Variants in PRKD3 observed in about 807,000 individuals in gnomAD.
PRKD3 encodes protein kinase D3.
A neutral mutation model predicts 99.2 loss-of-function variants in PRKD3; 47 were observed. That is an observed-to-expected ratio of 0.47 (90% CI 0.38 to 0.60). The LOEUF (loss-of-function observed/expected upper bound fraction) is 0.60. Among genes scored for constraint, PRKD3 ranks in the 20% least tolerant of loss-of-function variants. The pLI is 0.00. For synonymous variants in PRKD3, 392 were observed against 355.4 expected, an observed-to-expected ratio of 1.10 and a Z score of -1.16; for missense variants, 1,019 against 1,088.4, an observed-to-expected ratio of 0.94 and a Z score of 0.90.
Position 37,277,945 on chromosome 2 carries a change from G to A in PRKD3, c.1217C>T (p.Ser406Phe). 6.2e-7 allele frequency: 1 copy of A among 1,612,426 alleles called. No individual in the cohort carries two copies. The highest frequency in any genetic ancestry group is 2.2e-5 in the East Asian group (1 of 44,798). ...GCTCTTCCTCTTTGTGTGCTTGATG[G>A]ATTGTACAACCCTCATTAGCGGAAT... ...NNIPLMRVVQ[S>F]IKHTKRKSST... Residue 406 changes from serine to phenylalanine, a missense_variant, in exon 9 of 19, where the codon TCC becomes TTC. Transcript: ENST00000234179.
intron 1 of PRKD3, among the ~76,000 whole-genome samples, chr2:37,322,435 G>T (rs1323638584): frequency 2.0e-5 from 3 of 152,132 alleles, no homozygotes; most frequent in South Asian, 4.1e-4. Flanking sequence ...AGTGACAGTT[G>T]AATCTCAGTC....
At chr2:37,257,310 C>T (rs935525384) in intron 16 of PRKD3, among the ~76,000 whole-genome samples, 2 of 152,120 alleles carry the variant, frequency 1.3e-5, no homozygotes, top group African/African-American at 4.8e-5. Context: ...ATTTCTGAAT[C>T]CTTAGTGGCC....
At chr2:37,323,035 A>G (rs556047708) in intron 1 of PRKD3, among the ~76,000 whole-genome samples, 4 of 151,904 alleles carry the variant, frequency 2.6e-5, no homozygotes, top group African/African-American at 9.7e-5. Context: ...ACCTATTCAT[A>G]TTTTTCTGTA....
chr2:37,255,903 A>G (rs1190311391), intron 17 of PRKD3, among the ~76,000 whole-genome samples: 1 of 152,142 alleles, frequency 6.6e-6, no homozygotes, highest in Non-Finnish European at 1.5e-5. Context: ...CATCCCACCT[A>G]GTCAGGAGGC....
At chr2:37,312,042 T>C (rs1407852259) in intron 2 of PRKD3, among the ~76,000 whole-genome samples, 1 of 152,194 alleles carries the variant, frequency 6.6e-6, no homozygotes, top group Non-Finnish European at 1.5e-5. Context: ...TTGTAAAAGA[T>C]TTTTTAAAAC....
Position 37,274,579 on chromosome 2 carries a change from C to T in PRKD3, c.1493G>A (p.Gly498Asp). 1 of 1,614,084 alleles carries T rather than the reference C, an allele frequency of 6.2e-7. No individual in the cohort carries two copies. The change falls in exon 11 of 19, where the codon GGT becomes GAT. Residue 498 changes from glycine (G) to aspartate (D), a missense_variant. By Grantham distance (94) the Gly-to-Asp change is moderately conservative. This residue lies in a region of PRKD3 where 710 missense variants were observed against 692.7 expected (regional missense o/e 1.02). Coordinates refer to ENST00000234179, the MANE Select transcript of PRKD3 (RefSeq NM_005813.6). ...IITDTMVYFV[G>D]ENNGDSSHNP... ...ATGAGAGCTGTCCCCATTGTTCTCA[C>T]CAACGAAGTATACCATAGTATCAGT... is the stretch of plus-strand genomic sequence containing the variant.
In PRKD3 at chr2:37,277,884, G is replaced by A. The variant is rs376539991; in HGVS notation, c.1278C>T (p.Tyr426=). Residue 426 remains tyrosine, a synonymous_variant, in exon 9 of 19, where the codon TAC becomes TAT. Transcript: ENST00000234179. ...TACTGACCAGGTTATCCCTGCTGGT[G>A]TAATGGACCATCCACCCTTCCTTCA... ...TMVKEGWMVH[Y]TSRDNLRKRH... is the part of the protein sequence containing the mutation. 2 of 1,613,658 alleles carry A rather than the reference G, an allele frequency of 1.2e-6. No individual in the cohort carries two copies. The highest frequency in any genetic ancestry group is 1.7e-6 in the Non-Finnish European group (2 of 1,179,734).
intron 8 of PRKD3, chr2:37,279,518 AACG>A: frequency 3.8e-6 from 1 of 264,590 alleles, no homozygotes; most frequent in East Asian, 1.1e-4. Context: ...AAAAACAAAA[AACG>A]AAAAAAAAAA....
intron 2 of PRKD3, among the ~76,000 whole-genome samples, chr2:37,297,698 G>C (rs1670735138): frequency 6.6e-6 from 1 of 152,142 alleles, no homozygotes; most frequent in Non-Finnish European, 1.5e-5. Context: ...ATTGCAGGAG[G>C]CCTTTCTACT....
intron 9 of PRKD3, among the ~76,000 whole-genome samples, chr2:37,276,125 T>C (rs1185700906): frequency 6.6e-6 from 1 of 152,078 alleles, no homozygotes; most frequent in African/African-American, 2.4e-5. Flanking sequence ...TGAATACATA[T>C]ATATATATGA....
chr2:37,313,828 T>C (rs936490825), intron 2 of PRKD3, among the ~76,000 whole-genome samples: 2 of 152,230 alleles, frequency 1.3e-5, no homozygotes, highest in South Asian at 2.1e-4. Context: ...TCACAGCAGA[T>C]TGAAAATATC....
chr2:37,279,959 T>C, intron 7 of PRKD3, 30 bp from the exon 8 acceptor site: 1 of 1,471,270 alleles, frequency 6.8e-7, no homozygotes, highest in African/African-American at 1.4e-5. Flanking sequence ...ATTTCAGAGT[T>C]TTATATTAAT....
intron 5 of PRKD3, among the ~76,000 whole-genome samples, chr2:37,287,198 C>G (rs76838899): frequency 0.1 from 12,252 of 121,666 alleles, 880 homozygotes; most frequent in East Asian, 0.36. Flanking sequence ...CCATTGGACT[C>G]CAGCCTGGGC....
At chr2:37,300,656 T>A (rs1670884317) in intron 2 of PRKD3, among the ~76,000 whole-genome samples, 1 of 152,236 alleles carries the variant, frequency 6.6e-6, no homozygotes, top group South Asian at 2.1e-4. Flanking sequence ...TATGTACAAC[T>A]ATTATTTATC....
Position 37,285,966 on chromosome 2 carries a change from A to G in PRKD3, c.910+211T>C, listed in dbSNP as rs575713114. ...TGAGCATGTAAAGGTTTACTGTTCT[A>G]CTATAGTGCCTGGCACCTAACACAC... On this transcript the variant is annotated intron_variant, in intron 6 of 18. Transcript: ENST00000234179. Among the ~76,000 whole-genome samples the G allele has an allele frequency of 5.3e-5, 8 of 152,320 alleles. No individual in the cohort carries two copies. In the East Asian group the frequency reaches 9.6e-4, roughly 18 times the overall value.
At chr2:37,287,091 G>A (rs112954583) in intron 5 of PRKD3, among the ~76,000 whole-genome samples, 14,674 of 151,664 alleles carry the variant, frequency 0.097, 1,120 homozygotes, top group East Asian at 0.35. Context: ...TTAGCCAGGC[G>A]TGGGGGTGCA....
At position 37,275,931 on chromosome 2, in the gene PRKD3, A is replaced by T. The variant is rs1481669273; in HGVS notation, c.1297-87T>A. The T allele has an allele frequency of 5.5e-6, 8 of 1,445,872 alleles. No homozygotes were observed. In the East Asian group the frequency reaches 2.0e-4, roughly 37 times the overall value. The allele number at this position is 1,445,872 out of a possible 1,614,324, so 89.6% of individuals were successfully genotyped here. ...CTAACTTTTCCCTTCATTTACATTC[A>T]TAAATTTGTATTTTTGAATAACTTT... On this transcript the variant is annotated intron_variant, in intron 9 of 18. Transcript: ENST00000234179.
In PRKD3 at chr2:37,274,672, C is replaced by CA; in HGVS notation, c.1399_1400insT (p.Arg467LeufsTer21). The CA allele has an allele frequency of 6.2e-7, 1 of 1,612,490 alleles. No homozygotes were observed. On this transcript the variant is annotated frameshift_variant, in exon 11 of 19. Transcript: ENST00000234179. LOFTEE classifies it high-confidence loss of function. ...TGTGAAATCTCGTGGTGAAGATATGCGGAGAATTTCTGAAAGTGGAATTTC... is the reference window on the plus strand; with the variant it reads ...TGTGAAATCTCGTGGTGAAGATATGCAGGAGAATTTCTGAAAGTGGAATTTC...
At chr2:37,319,205 T>C (rs574869330) in intron 1 of PRKD3, among the ~76,000 whole-genome samples, 36 of 152,316 alleles carry the variant, frequency 2.4e-4, no homozygotes, top group Admixed American at 3.9e-4. Flanking sequence ...AAAAAAAAGA[T>C]AGTTTATTCT....
Sources: allele counts gnomAD v4.1 joint callset (sites outside exome capture counted in the v4.1 genomes callset), GRCh38; gene constraint gnomAD v4.1.1; regional missense constraint gnomAD v4.1.1; transcripts MANE v1.5; gene names NCBI Gene and HGNC (gene_info 2026-07-23, HGNC 2026-07-21).